IRS2: variants seen among roughly 807,000 people sequenced by gnomAD.
IRS2 encodes the protein insulin receptor substrate 2.
In IRS2, 28 loss-of-function variants were observed where a neutral mutation model predicts 70.9. The observed-to-expected ratio is 0.39, with a 90% CI of 0.29 to 0.54. The LOEUF (loss-of-function observed/expected upper bound fraction) is 0.54, where lower values mean the gene tolerates loss of function less well. IRS2 is among the 20% of genes least tolerant of loss of function. IRS2 has a pLI of 0.59. For missense variants in IRS2, 2,081 were observed against 2,024.1 expected (o/e 1.03, Z -0.54); for synonymous variants, 1,217 against 981.9 (o/e 1.24, Z -4.48).
rs1425613059 is a variant in IRS2 at position 109,782,913 on chromosome 13, G to C, written c.3141C>G (p.Ala1047=). ...GGCCCTGGGCGGTGGCAACGGCCGAGGCGGGGGGCAGGCGGTACAGCTCCC... is the reference window on the plus strand; with the variant it reads ...GGCCCTGGGCGGTGGCAACGGCCGACGCGGGGGGCAGGCGGTACAGCTCCC... ...APGELYRLPP[A]SAVATAQGPG... is the part of the protein sequence containing the mutation. Residue 1047 remains alanine, a synonymous_variant, in exon 1 of 2, where the codon GCC becomes GCG. Transcript: ENST00000375856. 1.3e-6 allele frequency: 2 copies of C among 1,546,044 alleles called. No individual in the cohort carries two copies. The highest frequency in any genetic ancestry group is 2.4e-5 in the South Asian group (2 of 84,038).
At position 109,783,604 on chromosome 13, in the gene IRS2, C is replaced by A. The variant is rs777642853; in HGVS notation, c.2450G>T (p.Gly817Val). 1.3e-6 allele frequency: 2 copies of A among 1,548,358 alleles called. No individual in the cohort carries two copies. Among genetic ancestry groups the A allele is most frequent in the South Asian group, 1.2e-5 (1 of 84,148 alleles). The stretch of plus-strand genomic sequence containing the variant: ...GAGCACGTACTGGTCGCTGTCCCCG[C>A]CACAGGTGTAGGGGGCCTTGTAGGA... ...PRSYKAPYTC[G>V]GDSDQYVLMS... Residue 817 changes from glycine to valine, a missense_variant, in exon 1 of 2, where the codon GGC becomes GTC. Around this residue, in one of 4 missense-constraint regions of IRS2, gnomAD observed 1,615 missense variants for 1,459.5 expected, o/e 1.11. Transcript: ENST00000375856.
At position 109,783,582 on chromosome 13, in the gene IRS2, C is replaced by T. The variant is rs759733191; in HGVS notation, c.2472G>A (p.Val824=). Residue 824 remains valine, a synonymous_variant, in exon 1 of 2, where the codon GTG becomes GTA. Transcript: ENST00000375856. The stretch of plus-strand genomic sequence containing the variant: ...TGCGCCCCACGGGGGAGCTCATGAG[C>T]ACGTACTGGTCGCTGTCCCCGCCAC... ...YTCGGDSDQY[V]LMSSPVGRIL... 3 of 1,547,864 alleles carry T rather than the reference C, an allele frequency of 1.9e-6. No homozygotes were observed. The South Asian group carries it at 3.6e-5, about 18-fold the overall frequency.
rs2138932141 is a variant in IRS2 at position 109,783,258 on chromosome 13, C to A, written c.2796G>T (p.Ser932=). Residue 932 remains serine, a synonymous_variant, in exon 1 of 2, where the codon TCG becomes TCT. Coordinates refer to ENST00000375856, the MANE Select transcript of IRS2 (RefSeq NM_003749.3). ...IDFGEPGARL[S]PPAPPLLASA... Reference sequence around the variant, plus strand: ...ACGCCAGCAGGGGAGGCGCGGGCGGCGACAGGCGGGCCCCGGGCTCGCCAA... The same window carrying A: ...ACGCCAGCAGGGGAGGCGCGGGCGGAGACAGGCGGGCCCCGGGCTCGCCAA... The A allele has an allele frequency of 6.9e-7, 1 of 1,459,234 alleles. No homozygotes were observed. 90.4% of individuals were successfully genotyped at this position (1,459,234 alleles called of 1,614,324 possible).
Position 109,782,290 on chromosome 13 carries a change from G to A in IRS2, c.3764C>T (p.Ala1255Val), listed in dbSNP as rs1378585220. The change falls in exon 1 of 2, where the codon GCC (alanine) becomes GTC (valine). Residue 1255 changes from alanine to valine, a missense_variant. Physicochemically the swap from Ala to Val is moderately conservative, Grantham distance 64. Coordinates refer to ENST00000375856, the MANE Select transcript of IRS2 (RefSeq NM_003749.3). ...AGFQNGLNYI[A>V]IDVREEPGLP... The stretch of plus-strand genomic sequence containing the variant: ...CCCGGGCTCCTCCCTCACGTCGATG[G>A]CGATGTAGTTGAGACCATTCTGGAA... 3 of 1,611,492 alleles carry A rather than the reference G, an allele frequency of 1.9e-6. No homozygotes were observed. Among genetic ancestry groups the A allele is most frequent in the Non-Finnish European group, 2.5e-6 (3 of 1,179,418 alleles).
Position 109,782,412 on chromosome 13 carries a change from T to C in IRS2, c.3642A>G (p.Ala1214=), listed in dbSNP as rs1477424454. 1 of 1,602,564 alleles carries C rather than the reference T, an allele frequency of 6.2e-7. No individual in the cohort carries two copies. Among genetic ancestry groups the C allele is most frequent in the Non-Finnish European group, 8.5e-7 (1 of 1,174,762 alleles). Residue 1214 remains alanine, a synonymous_variant, in exon 1 of 2, where the codon GCA becomes GCG. Transcript: ENST00000375856. ...PRQLQPAPPL[A]PQGRPWTPGQ... ...CCGGGGTCCACGGCCGGCCCTGCGG[T>C]GCCAAAGGGGGCGCCGGCTGCAACT...
At chr13:109,781,231 C>A (rs1206468075) in intron 1 of IRS2, among the ~76,000 whole-genome samples, 1 of 152,100 alleles carries the variant, frequency 6.6e-6, no homozygotes, top group South Asian at 2.1e-4. Context: ...ACAGGGTGGT[C>A]CCCCGGCCAG....
Position 109,782,425 on chromosome 13 carries a change from G to T in IRS2, c.3629C>A (p.Ala1210Glu), listed in dbSNP as rs1877736532. 2 of 1,594,470 alleles carry T rather than the reference G, an allele frequency of 1.3e-6. No individual in the cohort carries two copies. Among genetic ancestry groups the T allele is most frequent in the East Asian group, 4.6e-5 (2 of 43,780 alleles). Reference protein sequence around the residue: ...PPTSPRQLQPAPPLAPQGRPW... With the variant: ...PPTSPRQLQPEPPLAPQGRPW... ...CCGGCCCTGCGGTGCCAAAGGGGGC[G>T]CCGGCTGCAACTGTCGTGGGGAGGT... Residue 1210 changes from alanine to glutamate, a missense_variant, in exon 1 of 2, where the codon GCG (alanine) becomes GAG (glutamate). Ala to Glu is a moderately radical substitution (Grantham distance 107). Transcript: ENST00000375856.
chr13:109,783,396 C>T lies in IRS2; in HGVS notation c.2658G>A (p.Arg886=). The change falls in exon 1 of 2, where the codon CGG becomes CGA. Residue 886 remains arginine, a synonymous_variant. Coordinates refer to ENST00000375856, the MANE Select transcript of IRS2 (RefSeq NM_003749.3). ...GGGACAGGCGCGTGGGCCTCACCGC[C>T]CGGCCGCGCTGGCCCAAGAAGCCCT... ...RPEGFLGQRG[R]AVRPTRLSLE... is the part of the protein sequence containing the mutation. 6.7e-7 allele frequency: 1 copy of T among 1,482,902 alleles called. No homozygotes were observed. The highest frequency in any genetic ancestry group is 2.7e-5 in the East Asian group (1 of 37,358). The allele number at this position is 1,482,902 out of a possible 1,614,324, so 91.9% of individuals were successfully genotyped here.
chr13:109,785,691 G>T lies in IRS2; in HGVS notation c.363C>A (p.Tyr121Ter). Residue 121 changes from tyrosine (Y) to a stop codon, truncating the protein, a stop_gained, in exon 1 of 2, where the codon TAC becomes TAA. Coordinates refer to ENST00000375856, the MANE Select transcript of IRS2 (RefSeq NM_003749.3). LOFTEE classifies it high-confidence loss of function. This position sits in a 1 kb window ranked among gnomAD's most constrained non-coding sequence, Gnocchi z 9.3. The stretch of plus-strand genomic sequence containing the variant: ...GCTCGTTCTCGGCGGCCACGGCGAA[G>T]TACTCGTCCTTGGTGTAGAGGGCGA... ...YLIALYTKDE[Y>*]FAVAAENEQE... 6.2e-7 allele frequency: 1 copy of T among 1,600,432 alleles called. No individual in the cohort carries two copies. Among genetic ancestry groups the T allele is most frequent in the Non-Finnish European group, 8.5e-7 (1 of 1,177,396 alleles).
At position 109,783,491 on chromosome 13, in the gene IRS2, C is replaced by G. The variant is rs1276171081; in HGVS notation, c.2563G>C (p.Gly855Arg). Residue 855 changes from glycine (G) to arginine (R), a missense_variant, in exon 1 of 2, where the codon GGG (glycine) becomes CGG (arginine). Around this residue, in one of 4 missense-constraint regions of IRS2, gnomAD observed 1,615 missense variants for 1,459.5 expected, o/e 1.11. Coordinates refer to ENST00000375856, the MANE Select transcript of IRS2 (RefSeq NM_003749.3). ...PGPSQAASAFGAGPTQPPHPV... is the reference protein window; with the variant it reads ...PGPSQAASAFRAGPTQPPHPV... ...TGAGGGGGCTGCGTGGGGCCGGCCC[C>G]GAAGGCGCTGGCCGCCTGGCTGGGC... The G allele has an allele frequency of 1.3e-6, 2 of 1,545,114 alleles. No homozygotes were observed. The highest frequency in any genetic ancestry group is 2.4e-5 in the South Asian group (2 of 83,914).
At position 109,755,926 on chromosome 13, in the gene IRS2, A is replaced by G. The variant is rs987688647; in HGVS notation, c.*378T>C. On this transcript the variant is annotated 3_prime_UTR_variant, in exon 2 of 2. Transcript: ENST00000375856. ...TCCATAGGTACGGGTGCACTCTCCTAGCATGCTGAGGGTTATATCTGCTTT... is the reference window on the plus strand; with the variant it reads ...TCCATAGGTACGGGTGCACTCTCCTGGCATGCTGAGGGTTATATCTGCTTT... The G allele has an allele frequency of 2.3e-5, 8 of 345,356 alleles. No individual in the cohort carries two copies. The Admixed American group carries it at 3.0e-4, about 13-fold the overall frequency. The allele number at this position is 345,356 out of a possible 1,614,324, so 21.4% of individuals were successfully genotyped here.
chr13:109,775,309 G>A (rs1259893079), intron 1 of IRS2, among the ~76,000 whole-genome samples: 2 of 151,650 alleles, frequency 1.3e-5, no homozygotes, highest in East Asian at 1.9e-4. Flanking sequence ...AGTAGAGATG[G>A]GGTTTCTCCA....
rs1345817777 is a variant in IRS2, at chr13:109,785,903, G to A, written c.151C>T (p.Arg51Cys). 5 of 1,494,386 alleles carry A rather than the reference G, an allele frequency of 3.3e-6. No individual in the cohort carries two copies. The highest frequency in any genetic ancestry group is 4.4e-6 in the Non-Finnish European group (5 of 1,129,488). 92.6% of individuals were successfully genotyped at this position (1,494,386 alleles called of 1,614,324 possible). Residue 51 changes from arginine (R) to cysteine (C), a missense_variant, in exon 1 of 2, where the codon CGC becomes TGC. Around this residue, in one of 4 missense-constraint regions of IRS2, gnomAD observed 320 missense variants for 352.9 expected, o/e 0.91. Coordinates refer to ENST00000375856, the MANE Select transcript of IRS2 (RefSeq NM_003749.3). This position sits in a 1 kb window ranked among gnomAD's most constrained non-coding sequence, Gnocchi z 9.3. ...KHGHKRFFVL[R>C]GPGAGGDEAT... ...TCGTCGCCGCCCGCGCCGGGTCCGC[G>A]CAGCACGAAGAAGCGCTTGTGGCCA...
At chr13:109,764,905 T>C (rs955782272) in intron 1 of IRS2, among the ~76,000 whole-genome samples, 1 of 152,174 alleles carries the variant, frequency 6.6e-6, no homozygotes, top group African/African-American at 2.4e-5. Context: ...TAGAATTGTT[T>C]TTCTGGGGGT....
chr13:109,786,166 C>A lies in IRS2; in HGVS notation c.-113G>T. 5.5e-6 allele frequency: 3 copies of A among 547,522 alleles called. No homozygotes were observed. Among genetic ancestry groups the A allele is most frequent in the Non-Finnish European group, 6.9e-6 (3 of 432,524 alleles). The allele number at this position is 547,522 out of a possible 1,614,324, so 33.9% of individuals were successfully genotyped here. A position where few individuals can be genotyped will look rare whatever the true frequency, so the allele number is the denominator to read the frequency against. Reference sequence around the variant, plus strand: ...CCCACCCTTGCGCCCGGCCGCCCGCCCGATCACGCGTCCCTCGGGCCCAGG... The same window carrying A: ...CCCACCCTTGCGCCCGGCCGCCCGCACGATCACGCGTCCCTCGGGCCCAGG... On this transcript the variant is annotated 5_prime_UTR_variant, in exon 1 of 2. Coordinates refer to ENST00000375856, the MANE Select transcript of IRS2 (RefSeq NM_003749.3). This position sits in a 1 kb window ranked among gnomAD's most constrained non-coding sequence, Gnocchi z 4.4.
intron 1 of IRS2, among the ~76,000 whole-genome samples, chr13:109,756,940 C>T (rs547922966): frequency 1.8e-4 from 28 of 152,288 alleles, no homozygotes; most frequent in African/African-American, 6.3e-4. Flanking sequence ...TGTGTTGTTG[C>T]ATAACCCTCA....
At chr13:109,763,252 C>CTA (rs1877264689) in intron 1 of IRS2, among the ~76,000 whole-genome samples, 1 of 152,206 alleles carries the variant, frequency 6.6e-6, no homozygotes, top group Admixed American at 6.5e-5. Flanking sequence ...TACTGGGAAA[C>CTA]TAATTGATAT....
Position 109,781,431 on chromosome 13 carries a change from C to T in IRS2, c.4012+611G>A, listed in dbSNP as rs180681258. 1.4e-3 allele frequency among the ~76,000 whole-genome samples: 207 copies of T among 152,340 alleles called. No individual in the cohort carries two copies. The South Asian group carries it at 0.019, about 14-fold the overall frequency. ...GCTGTGTGCAGCCTTACCGTTTCAC[C>T]CCTTCCGAGAAAAACAATGCCTCTG... On this transcript the variant is annotated intron_variant, in intron 1 of 1. Coordinates refer to ENST00000375856, the MANE Select transcript of IRS2 (RefSeq NM_003749.3).
Position 109,783,822 on chromosome 13 carries a change from G to A in IRS2, c.2232C>T (p.Arg744=), listed in dbSNP as rs1419869612. The change falls in exon 1 of 2, where the codon CGC becomes CGT. Residue 744 remains arginine, a synonymous_variant. Coordinates refer to ENST00000375856, the MANE Select transcript of IRS2 (RefSeq NM_003749.3). ...TGGACAGCTTGGAACCGCACCACAT[G>A]CGCATGTACCCACTGTCCTCGGGGG... is the stretch of plus-strand genomic sequence containing the variant. ...ESSPEDSGYM[R]MWCGSKLSME... is the part of the protein sequence containing the mutation. 1.9e-6 allele frequency: 3 copies of A among 1,590,746 alleles called. No homozygotes were observed. Among genetic ancestry groups the A allele is most frequent in the South Asian group, 1.1e-5 (1 of 88,094 alleles).
Sources: allele counts gnomAD v4.1 joint callset (sites outside exome capture counted in the v4.1 genomes callset), GRCh38; gene constraint gnomAD v4.1.1; regional missense constraint gnomAD v4.1.1; non-coding constraint Gnocchi (gnomAD v3.1); transcripts MANE v1.5; gene names NCBI Gene and HGNC (gene_info 2026-07-23, HGNC 2026-07-21).